The following RAPGEF6 variants were observed in gnomAD, a reference collection of about 807,000 sequenced individuals.
RAPGEF6 encodes PDZ domain containing guanine nucleotide exchange factor (GEF) 2.
In RAPGEF6, 56 loss-of-function variants were observed where a neutral mutation model predicts 171.4. The observed-to-expected ratio is 0.33, with a 90% CI of 0.26 to 0.41. The LOEUF (loss-of-function observed/expected upper bound fraction) is 0.41. Among genes scored for constraint, RAPGEF6 ranks in the 10% least tolerant of loss-of-function variants. RAPGEF6 has a pLI of 1.00. For synonymous variants in RAPGEF6, 692 were observed against 650.1 expected (o/e 1.06, Z -0.98); for missense variants, 1,674 against 1,921.4 (o/e 0.87, Z 2.41).
In RAPGEF6 at chr5:131,521,540, T is replaced by C. The variant is rs1758479612; in HGVS notation, c.496-19A>G. 2 of 1,587,144 alleles carry C rather than the reference T, an allele frequency of 1.3e-6. No homozygotes were observed. The highest frequency in any genetic ancestry group is 1.8e-5 in the Admixed American group (1 of 54,616). On this transcript the variant is annotated intron_variant, in intron 6 of 27. Coordinates refer to ENST00000509018, the MANE Select transcript of RAPGEF6 (RefSeq NM_016340.6). ...CTGGAAGCTGAAAAAAAAAATAATT[T>C]AAGTTATTCTAAATGTCAAGCTTTA...
intron 4 of RAPGEF6, among the ~76,000 whole-genome samples, chr5:131,577,012 G>T (rs931744566): frequency 2.0e-5 from 3 of 152,080 alleles, no homozygotes; most frequent in African/African-American, 7.2e-5. Flanking sequence ...CACAAGACTG[G>T]CAGATTGACT....
chr5:131,481,908 T>C (rs1755514090), intron 15 of RAPGEF6, among the ~76,000 whole-genome samples: 1 of 152,192 alleles, frequency 6.6e-6, no homozygotes, highest in South Asian at 2.1e-4. Context: ...TGTGTAAATA[T>C]GCCCACTGAA....
At position 131,627,754 on chromosome 5, in the gene RAPGEF6, T is replaced by A. The variant is rs116575648; in HGVS notation, c.69+7208A>T. On this transcript the variant is annotated intron_variant, in intron 1 of 27. Transcript: ENST00000509018. ...TTTTTAAATACAAATTGAAGGTTCA[T>A]GACAACCCTGCATCAAGCAAGTCCA... Among the ~76,000 whole-genome samples, 415 of 152,280 alleles carry A rather than the reference T, an allele frequency of 2.7e-3. 4 individuals are homozygous for A. The highest frequency in any genetic ancestry group is 9.5e-3 in the African/African-American group (393 of 41,568).
At chr5:131,586,563 G>A (rs1393137397) in intron 4 of RAPGEF6, among the ~76,000 whole-genome samples, 1 of 152,134 alleles carries the variant, frequency 6.6e-6, no homozygotes, top group African/African-American at 2.4e-5. Flanking sequence ...CCTGGGAGGT[G>A]GAGGTTGCAG....
chr5:131,635,196 C>G lies in RAPGEF6; in HGVS notation c.-166G>C, dbSNP rs187214849. 3.0e-6 allele frequency: 2 copies of G among 676,708 alleles called. No homozygotes were observed. The highest frequency in any genetic ancestry group is 3.7e-5 in the African/African-American group (2 of 54,496). 41.9% of individuals were successfully genotyped at this position (676,708 alleles called of 1,614,324 possible). On this transcript the variant is annotated 5_prime_UTR_variant, in exon 1 of 28. Coordinates refer to ENST00000509018, the MANE Select transcript of RAPGEF6 (RefSeq NM_016340.6). The stretch of plus-strand genomic sequence containing the variant: ...ACCCTTCGCAACGCCCGCCTAAGGC[C>G]TCTACCCACGCGCGACTGGCCGGAG...
chr5:131,442,385 T>C lies in RAPGEF6; in HGVS notation c.3574A>G (p.Ile1192Val), dbSNP rs1561467437. The change falls in exon 23 of 28, where the codon ATC (isoleucine) becomes GTC (valine). Residue 1192 changes from isoleucine to valine, a missense_variant. Around this residue, in one of 3 missense-constraint regions of RAPGEF6, gnomAD observed 552 missense variants for 574.2 expected, o/e 0.96. Coordinates refer to ENST00000509018, the MANE Select transcript of RAPGEF6 (RefSeq NM_016340.6). ...LQVPAVNLHP[I>V]RKKGQTKDPA... ...TCTTTTGTTTGTCCCTTCTTCCTGA[T>C]GGGGTGCAAATTAACAGCTGGCACC... The C allele has an allele frequency of 3.1e-6, 5 of 1,614,110 alleles. No individual in the cohort carries two copies. The highest frequency in any genetic ancestry group is 3.4e-6 in the Non-Finnish European group (4 of 1,179,992).
chr5:131,634,917 T>C, intron 1 of RAPGEF6, 45 bp downstream of exon 1: 2 of 1,606,942 alleles, frequency 1.2e-6, no homozygotes, highest in Non-Finnish European at 1.7e-6. Flanking sequence ...AGGAGGATGC[T>C]GTCTACTGGA....
At chr5:131,509,837 C>G (rs1757606633) in intron 8 of RAPGEF6, among the ~76,000 whole-genome samples, 1 of 152,148 alleles carries the variant, frequency 6.6e-6, no homozygotes. Context: ...ATCAGAGTTA[C>G]CTGGTATAAC....
chr5:131,465,479 C>G (rs1754271053), intron 17 of RAPGEF6, among the ~76,000 whole-genome samples: 1 of 151,982 alleles, frequency 6.6e-6, no homozygotes, highest in South Asian at 2.1e-4. Context: ...CAAAAGTTTC[C>G]TTTTTAAAAA....
chr5:131,569,914 C>A (rs1249386914), intron 4 of RAPGEF6, among the ~76,000 whole-genome samples: 1 of 151,684 alleles, frequency 6.6e-6, no homozygotes, highest in African/African-American at 2.4e-5. Flanking sequence ...TAGTAGTGGG[C>A]ATTTGCAATC....
intron 1 of RAPGEF6, among the ~76,000 whole-genome samples, chr5:131,614,258 G>A (rs1262189889): frequency 1.6e-5 from 2 of 128,026 alleles, no homozygotes; most frequent in Non-Finnish European, 3.1e-5. Flanking sequence ...TTTCAGCCTG[G>A]GTGACAGAGC....
At chr5:131,598,548 A>G (rs531779145) in intron 3 of RAPGEF6, among the ~76,000 whole-genome samples, 1 of 152,232 alleles carries the variant, frequency 6.6e-6, no homozygotes, top group African/African-American at 2.4e-5. Flanking sequence ...AAATCTCAGA[A>G]GCAGTCAGAG....
chr5:131,588,729 T>A (rs997609957), intron 4 of RAPGEF6, among the ~76,000 whole-genome samples: 1 of 151,226 alleles, frequency 6.6e-6, no homozygotes, highest in African/African-American at 2.4e-5. Flanking sequence ...GGCAACAGAG[T>A]GAGACTCCGT....
chr5:131,441,971 G>GC lies in RAPGEF6; in HGVS notation c.3610+377_3610+378insG, dbSNP rs1752410761. Among the ~76,000 whole-genome samples, 8 of 152,116 alleles carry GC rather than the reference G, an allele frequency of 5.3e-5. 1 individual carries two copies. Among genetic ancestry groups the GC allele is most frequent in the Admixed American group, 5.2e-4 (8 of 15,260 alleles). ...CACGTTTTCAGAAGGGGTCTTTAAAGACAAAAAACAACGTATAGTCATTTT... is the reference window on the plus strand; with the variant it reads ...CACGTTTTCAGAAGGGGTCTTTAAAGCACAAAAAACAACGTATAGTCATTTT... On this transcript the variant is annotated intron_variant, in intron 23 of 27. Coordinates refer to ENST00000509018, the MANE Select transcript of RAPGEF6 (RefSeq NM_016340.6).
At chr5:131,512,776 C>G (rs946469014) in intron 7 of RAPGEF6, among the ~76,000 whole-genome samples, 1 of 152,122 alleles carries the variant, frequency 6.6e-6, no homozygotes, top group Non-Finnish European at 1.5e-5. Flanking sequence ...TGAGAACTCT[C>G]ACGAATGGGA....
chr5:131,514,177 A>G (rs920741524), intron 7 of RAPGEF6, among the ~76,000 whole-genome samples: 1 of 152,230 alleles, frequency 6.6e-6, no homozygotes, highest in Non-Finnish European at 1.5e-5. Context: ...AGGTGATAAA[A>G]CAGGAATTAA....
intron 19 of RAPGEF6, 68 bp from the exon 20 acceptor site, chr5:131,456,080 T>G (rs1753473904): frequency 1.8e-6 from 2 of 1,103,354 alleles, no homozygotes; most frequent in Non-Finnish European, 2.7e-6. Flanking sequence ...GGTCAGCATA[T>G]ACACCATTTT....
chr5:131,592,499 A>G (rs760874234), intron 3 of RAPGEF6, 33 bp from the exon 4 acceptor site: 2 of 1,601,776 alleles, frequency 1.2e-6, no homozygotes, highest in South Asian at 2.2e-5. Context: ...AAATGAGCAA[A>G]ACAACACACA....
At chr5:131,633,886 G>A (rs886378489) in intron 1 of RAPGEF6, among the ~76,000 whole-genome samples, 3 of 152,104 alleles carry the variant, frequency 2.0e-5, no homozygotes, top group Non-Finnish European at 4.4e-5. Flanking sequence ...ATCATCATAA[G>A]GAAACAAACA....
Sources: gnomAD v4.1 joint callset for allele counts (sites outside exome capture counted in the v4.1 genomes callset) on GRCh38, gnomAD v4.1.1 for gene constraint, gnomAD v4.1.1 regional missense constraint, MANE v1.5 for transcripts, NCBI Gene and HGNC (gene_info 2026-07-23, HGNC 2026-07-21) for gene names.